Variants in AIM2 observed in about 807,000 individuals in gnomAD.
AIM2 encodes the protein absent in melanoma 2.
A neutral mutation model predicts 27.7 loss-of-function variants in AIM2; 30 were observed. That is an observed-to-expected ratio of 1.08 (90% CI 0.81 to 1.47). The LOEUF (loss-of-function observed/expected upper bound fraction) is 1.47. Among genes scored for constraint, AIM2 ranks in the 40% most tolerant of loss-of-function variants. The pLI, the probability that AIM2 is intolerant of heterozygous loss-of-function variation, is 0.00. For missense variants in AIM2, 358 were observed against 411.3 expected (o/e 0.87, Z 1.12); for synonymous variants, 141 against 145.3 (o/e 0.97, Z 0.21).
Position 159,073,359 on chromosome 1 carries a change from T to TC in AIM2, c.140_141insG (p.Val48SerfsTer42). The TC allele has an allele frequency of 6.2e-7, 1 of 1,614,194 alleles. No homozygotes were observed. Among genetic ancestry groups the TC allele is most frequent in the South Asian group, 1.1e-5 (1 of 91,088 alleles). ...CATTTTGAATCATCAAGGTAGCTAC[T>TC]TGTATTCTGTTTGCAGTATGTAGTT... On this transcript the variant is annotated frameshift_variant, in exon 2 of 6. Coordinates refer to ENST00000368130, the MANE Select transcript of AIM2 (RefSeq NM_004833.3). LOFTEE classifies it high-confidence loss of function.
At chr1:159,116,990 T>A (rs1467799107) in intron 1 of AIM2, among the ~76,000 whole-genome samples, 2 of 151,946 alleles carry the variant, frequency 1.3e-5, no homozygotes, top group East Asian at 3.9e-4. Flanking sequence ...GAAAAAAAAA[T>A]TGGATTTGAC....
chr1:159,087,313 G>A (rs763856572), intron 1 of AIM2, among the ~76,000 whole-genome samples: 12 of 120,624 alleles, frequency 9.9e-5, no homozygotes, highest in Non-Finnish European at 2.1e-4. Context: ...ATGGCAGTCA[G>A]GTGAGGTTGT....
At chr1:159,109,270 C>T (rs1657516983) in intron 1 of AIM2, among the ~76,000 whole-genome samples, 1 of 152,154 alleles carries the variant, frequency 6.6e-6, no homozygotes, top group African/African-American at 2.4e-5. Flanking sequence ...TTACAGCCAA[C>T]TGATCTTCAA....
intron 1 of AIM2, among the ~76,000 whole-genome samples, chr1:159,093,563 T>C (rs1028800128): frequency 6.6e-6 from 1 of 152,082 alleles, no homozygotes; most frequent in Non-Finnish European, 1.5e-5. Context: ...AAGGGACAAA[T>C]AAATTGTGGC....
At chr1:159,116,660 ACATCACAC>A (rs1647358294) in intron 1 of AIM2, among the ~76,000 whole-genome samples, 1 of 152,104 alleles carries the variant, frequency 6.6e-6, no homozygotes, top group East Asian at 1.9e-4. Context: ...AGGAAGGGGA[ACATCACAC>A]AACAGGGCCT....
At chr1:159,086,018 T>C (rs1310743231) in intron 1 of AIM2, among the ~76,000 whole-genome samples, 1 of 152,228 alleles carries the variant, frequency 6.6e-6, no homozygotes, top group Non-Finnish European at 1.5e-5. Flanking sequence ...AATATACAAT[T>C]TTTATTTGTT....
chr1:159,105,351 C>T (rs564953806), intron 1 of AIM2, among the ~76,000 whole-genome samples: 207 of 152,342 alleles, frequency 1.4e-3, no homozygotes, highest in Admixed American at 2.3e-3. Context: ...AGCCCTCGCC[C>T]GTGGACCCCC....
intron 2 of AIM2, among the ~76,000 whole-genome samples, chr1:159,070,263 T>C (rs1028794034): frequency 7.2e-5 from 11 of 152,260 alleles, no homozygotes; most frequent in African/African-American, 2.7e-4. Flanking sequence ...TGGATTTGTT[T>C]TTAAAACCTT....
At chr1:159,133,189 C>T (rs1647938869) in intron 1 of AIM2, among the ~76,000 whole-genome samples, 1 of 138,784 alleles carries the variant, frequency 7.2e-6, no homozygotes, top group Non-Finnish European at 1.5e-5. Context: ...CTCTCTCTCT[C>T]TCTTTCTCTC....
At chr1:159,056,546 T>A in the AIM2 span, among the ~76,000 whole-genome samples, 2 of 151,768 alleles carry the variant, frequency 1.3e-5, no homozygotes, top group African/African-American at 4.8e-5. Flanking sequence ...AATGGGCCAT[T>A]GTCCGCCTCT....
chr1:159,134,337 C>A (rs1316292881), intron 1 of AIM2, among the ~76,000 whole-genome samples: 4 of 152,356 alleles, frequency 2.6e-5, no homozygotes, highest in African/African-American at 9.6e-5. Context: ...CTCTGAGCAG[C>A]AGCTGGAGTA....
At chr1:159,129,777 G>C (rs1407142839) in intron 1 of AIM2, among the ~76,000 whole-genome samples, 1 of 152,068 alleles carries the variant, frequency 6.6e-6, no homozygotes, top group Non-Finnish European at 1.5e-5. Context: ...CCTCTCTCTT[G>C]TTCCTTCAAT....
At chr1:159,055,598 C>T in the AIM2 span, among the ~76,000 whole-genome samples, 7 of 152,340 alleles carry the variant, frequency 4.6e-5, no homozygotes, top group African/African-American at 9.6e-5. Context: ...CTGCTCTTCA[C>T]GCACTTTCAA....
upstream of AIM2, among the ~76,000 whole-genome samples, chr1:159,141,612 A>ATCTCTGCCG (rs1309631072): frequency 6.6e-6 from 1 of 152,094 alleles, no homozygotes; most frequent in Non-Finnish European, 1.5e-5. Flanking sequence ...CCAGGTGACC[A>ATCTCTGCCG]TCTCTGCCGG....
upstream of AIM2, among the ~76,000 whole-genome samples, chr1:159,080,303 A>T (rs939443488): frequency 8.5e-5 from 13 of 152,216 alleles, no homozygotes; most frequent in African/African-American, 2.4e-4. Flanking sequence ...ATAAATGTTT[A>T]TGAGCAAACG....
chr1:159,073,362 T>C lies in AIM2; in HGVS notation c.138A>G (p.Ile46Met), dbSNP rs758008523. The change falls in exon 2 of 6, where the codon ATA becomes ATG. Residue 46 changes from isoleucine (I) to methionine (M), a missense_variant. Physicochemically the swap from Ile to Met is conservative, Grantham distance 10. Transcript: ENST00000368130. ...ATGKLHTANR[I>M]QVATLMIQNA... The stretch of plus-strand genomic sequence containing the variant: ...TTTGAATCATCAAGGTAGCTACTTG[T>C]ATTCTGTTTGCAGTATGTAGTTTGC... The C allele has an allele frequency of 6.2e-7, 1 of 1,614,232 alleles. No individual in the cohort carries two copies. Among genetic ancestry groups the C allele is most frequent in the Non-Finnish European group, 8.5e-7 (1 of 1,180,046 alleles).
upstream of AIM2, among the ~76,000 whole-genome samples, chr1:159,145,039 C>T (rs1412448752): frequency 6.6e-6 from 1 of 152,078 alleles, no homozygotes; most frequent in Non-Finnish European, 1.5e-5. Flanking sequence ...GAAGTGTTAC[C>T]ATATACCATC....
intron 4 of AIM2, 103 bp from the exon 5 acceptor site, chr1:159,063,777 T>C (rs1032318140): frequency 8.2e-7 from 1 of 1,217,416 alleles, no homozygotes. Context: ...AAGAAATCAG[T>C]TGATTCTTGA....
intron 1 of AIM2, among the ~76,000 whole-genome samples, chr1:159,082,789 C>A (rs973499278): frequency 7.2e-5 from 11 of 152,270 alleles, no homozygotes; most frequent in Admixed American, 2.0e-4. Flanking sequence ...GGGGGTAACA[C>A]AAACATTCAG....
Sources: gnomAD v4.1 joint callset for allele counts (sites outside exome capture counted in the v4.1 genomes callset) on GRCh38, gnomAD v4.1.1 for gene constraint, MANE v1.5 for transcripts, NCBI Gene and HGNC (gene_info 2026-07-23, HGNC 2026-07-21) for gene names.